Variants in HDAC4 observed in about 807,000 individuals in gnomAD.
HDAC4 encodes the protein histone deacetylase 4, also known as histone deacetylase A.
HDAC4 carries 16 observed loss-of-function variants against 135.1 expected under a neutral mutation model. The observed-to-expected ratio is 0.12, with a 90% confidence interval of 0.08 to 0.18. The LOEUF is 0.18. HDAC4 is among the 10% of genes least tolerant of loss of function. The pLI is 1.00. For synonymous variants in HDAC4, 685 were observed against 653.4 expected (o/e 1.05, Z -0.74); for missense variants, 1,143 against 1,511.8 (o/e 0.76, Z 4.05).
chr2:239,119,670 C>T (rs1012175546), intron 12 of HDAC4, among the ~76,000 whole-genome samples: 27 of 151,660 alleles, frequency 1.8e-4, no homozygotes, highest in South Asian at 4.2e-4. Flanking sequence ...GCTGAGGACA[C>T]GGAGATGGGA....
intron 6 of HDAC4, among the ~76,000 whole-genome samples, chr2:239,160,143 A>G (rs77090091): frequency 0.086 from 13,023 of 152,292 alleles, 614 homozygotes; most frequent in East Asian, 0.18. Context: ...TGAAATTTAC[A>G]ATTTCCTAGT....
intron 1 of HDAC4, among the ~76,000 whole-genome samples, chr2:239,386,489 G>T (rs567386833): frequency 6.6e-6 from 1 of 152,156 alleles, no homozygotes; most frequent in Non-Finnish European, 1.5e-5. Flanking sequence ...TCCCGGGGTG[G>T]CCGGCCAGGG....
At chr2:239,332,975 A>C (rs896497765) in intron 2 of HDAC4, among the ~76,000 whole-genome samples, 1 of 152,200 alleles carries the variant, frequency 6.6e-6, no homozygotes, top group Non-Finnish European at 1.5e-5. Context: ...AATGTAAAAA[A>C]TTCCAAGAAA....
chr2:239,090,939 G>A (rs550689311), intron 17 of HDAC4, among the ~76,000 whole-genome samples: 6 of 152,210 alleles, frequency 3.9e-5, no homozygotes, highest in South Asian at 4.1e-4. Context: ...TTAACTGGAA[G>A]CTCCACATGT....
intron 2 of HDAC4, among the ~76,000 whole-genome samples, chr2:239,347,672 G>C (rs541028910): frequency 6.6e-6 from 1 of 152,160 alleles, no homozygotes; most frequent in South Asian, 2.1e-4. Context: ...GTGCCACCAC[G>C]CCTGGCTAAT....
chr2:239,254,628 A>G (rs1186871638), intron 2 of HDAC4, among the ~76,000 whole-genome samples: 1 of 152,220 alleles, frequency 6.6e-6, no homozygotes, highest in Non-Finnish European at 1.5e-5. Context: ...AAAGATAGGA[A>G]AAGATAAAGG....
intron 21 of HDAC4, among the ~76,000 whole-genome samples, chr2:239,081,714 T>C (rs1368387900): frequency 1.3e-5 from 2 of 152,192 alleles, no homozygotes; most frequent in East Asian, 3.9e-4. Flanking sequence ...CTGCCGTTCC[T>C]GGGGCCGCCA....
At chr2:239,060,232 C>T (rs2032477966) in intron 24 of HDAC4, among the ~76,000 whole-genome samples, 1 of 152,206 alleles carries the variant, frequency 6.6e-6, no homozygotes, top group Non-Finnish European at 1.5e-5. Flanking sequence ...CCCTGGGCTT[C>T]TGCCGTCCCC....
In HDAC4 at chr2:239,309,675, C is replaced by A. The variant is rs1404582762; in HGVS notation, c.22+43003G>T. Reference sequence around the variant, plus strand: ...TGGAGGTCAAGTCATAGGGCCTCCACCGCAGGCAGAGCTCCGCCAGCAAGT... The same window carrying A: ...TGGAGGTCAAGTCATAGGGCCTCCAACGCAGGCAGAGCTCCGCCAGCAAGT... On this transcript the variant is annotated intron_variant, in intron 2 of 26. Transcript: ENST00000543185. This position sits in a 1 kb window ranked among gnomAD's most constrained non-coding sequence, Gnocchi z 4.2. Among the ~76,000 whole-genome samples, 1 of 152,246 alleles carries A rather than the reference C, an allele frequency of 6.6e-6. No homozygotes were observed. The highest frequency in any genetic ancestry group is 1.5e-5 in the Non-Finnish European group (1 of 68,036).
intron 2 of HDAC4, among the ~76,000 whole-genome samples, chr2:239,273,595 C>T (rs540049943): frequency 1.1e-4 from 16 of 152,308 alleles, no homozygotes; most frequent in African/African-American, 3.1e-4. Flanking sequence ...CCCAGCAGAA[C>T]GCCCACGCCC....
intron 22 of HDAC4, among the ~76,000 whole-genome samples, chr2:239,078,711 G>A (rs1394937366): frequency 6.6e-6 from 1 of 152,200 alleles, no homozygotes; most frequent in Non-Finnish European, 1.5e-5. Flanking sequence ...GCCTGGGGAG[G>A]GGGAGTGACC....
chr2:239,388,158 A>G (rs910265335), intron 1 of HDAC4, among the ~76,000 whole-genome samples: 24 of 152,316 alleles, frequency 1.6e-4, no homozygotes, highest in Admixed American at 5.2e-4. Flanking sequence ...GGGGTTGGGG[A>G]AAGGCTGGGC....
At chr2:239,244,744 C>G (rs955490484) in intron 2 of HDAC4, among the ~76,000 whole-genome samples, 1 of 152,210 alleles carries the variant, frequency 6.6e-6, no homozygotes, top group African/African-American at 2.4e-5. Context: ...TGCACCTGCG[C>G]TGGCCTCCTC....
intron 1 of HDAC4, among the ~76,000 whole-genome samples, chr2:239,378,973 G>A (rs1362882606): frequency 1.3e-5 from 2 of 152,224 alleles, no homozygotes; most frequent in Non-Finnish European, 2.9e-5. Context: ...GTCCCATGCT[G>A]GGCCCGCTCA....
chr2:239,207,024 C>G (rs2046087375), intron 3 of HDAC4, among the ~76,000 whole-genome samples: 1 of 152,158 alleles, frequency 6.6e-6, no homozygotes, highest in Admixed American at 6.5e-5. Flanking sequence ...AACGCAAGTA[C>G]TGGAGGGACT....
chr2:239,190,404 G>T (rs1324724519), intron 3 of HDAC4, among the ~76,000 whole-genome samples: 1 of 152,204 alleles, frequency 6.6e-6, no homozygotes, highest in Admixed American at 6.5e-5. Context: ...AGGCCCAGAG[G>T]CCTTGCTGAC....
intron 2 of HDAC4, among the ~76,000 whole-genome samples, chr2:239,286,585 C>T (rs2051148672): frequency 3.3e-5 from 5 of 152,170 alleles, no homozygotes; most frequent in Admixed American, 1.3e-4. Context: ...GCACTAGCTG[C>T]GGATTTCCAG....
In HDAC4 at chr2:239,132,565, C is replaced by T. The variant is rs577423756; in HGVS notation, c.1294+1680G>A. 2.8e-4 allele frequency among the ~76,000 whole-genome samples: 42 copies of T among 152,296 alleles called. 1 individual carries two copies. In the South Asian group the frequency reaches 8.5e-3, roughly 31 times the overall value. The stretch of plus-strand genomic sequence containing the variant: ...CCTGGGCAGGGCACGGTGGGCAGGT[C>T]CCCATGCCAACGAGCAAGCTGCACC... On this transcript the variant is annotated intron_variant, in intron 11 of 26. Transcript: ENST00000543185.
At chr2:239,102,586 G>T in intron 16 of HDAC4, 190 bp downstream of exon 16, 1 of 628,400 alleles carries the variant, frequency 1.6e-6, no homozygotes, top group Non-Finnish European at 2.8e-6. Flanking sequence ...AAACACACCT[G>T]CTACCTGGCA....
Sources: allele counts gnomAD v4.1 joint callset (sites outside exome capture counted in the v4.1 genomes callset), GRCh38; gene constraint gnomAD v4.1.1; non-coding constraint Gnocchi (gnomAD v3.1); transcripts MANE v1.5; gene names NCBI Gene and HGNC (gene_info 2026-07-23, HGNC 2026-07-21).